The following SLAIN1 variants were observed in gnomAD, a reference collection of about 807,000 sequenced individuals.
SLAIN1 encodes the protein SLAIN motif-containing protein 1.
SLAIN1 carries 17 observed loss-of-function variants against 55.4 expected under a neutral mutation model. That is an observed-to-expected ratio of 0.31 (90% CI 0.21 to 0.46). SLAIN1 has a LOEUF of 0.46. SLAIN1 is among the 20% of genes least tolerant of loss of function. The pLI is 1.00. For missense variants in SLAIN1, 682 were observed against 785.1 expected (o/e 0.87, Z 1.57); for synonymous variants, 348 against 337.4 (o/e 1.03, Z -0.35).
At chr13:77,735,440 A>C (rs540792702) in intron 2 of SLAIN1, among the ~76,000 whole-genome samples, 8 of 152,242 alleles carry the variant, frequency 5.3e-5, no homozygotes, top group East Asian at 1.9e-4. Flanking sequence ...TTTCTGAGTG[A>C]CTATTATAAA....
At chr13:77,756,913 TGTAAG>T (rs2154410924) in intron 5 of SLAIN1, among the ~76,000 whole-genome samples, 1 of 152,226 alleles carries the variant, frequency 6.6e-6, no homozygotes, top group East Asian at 1.9e-4. Context: ...GAGAGAGCAT[TGTAAG>T]GTGCTGGTGA....
intron 1 of SLAIN1, among the ~76,000 whole-genome samples, chr13:77,718,107 A>AT (rs1566226048): frequency 6.6e-6 from 1 of 151,940 alleles, no homozygotes; most frequent in African/African-American, 2.4e-5. Context: ...GGAAAAAAAA[A>AT]AATATATTGG....
chr13:77,698,161 C>A lies in SLAIN1; in HGVS notation c.248C>A (p.Pro83His), dbSNP rs2090993010. The A allele has an allele frequency of 8.6e-7, 1 of 1,161,018 alleles. No individual in the cohort carries two copies. The highest frequency in any genetic ancestry group is 4.2e-5 in the South Asian group (1 of 24,032). The allele number at this position is 1,161,018 out of a possible 1,614,324, so 71.9% of individuals were successfully genotyped here. ...CTGCAGCCTTTGGGTCCTCGGAGCC[C>A]CCCGGCCGCCACGGCCACCGCCGCG... ...AGLQPLGPRS[P>H]PAATATAAAS... is the part of the protein sequence containing the mutation. The change falls in exon 1 of 7, where the codon CCC becomes CAC. Residue 83 changes from proline to histidine, a missense_variant. Physicochemically the swap from Pro to His is moderately conservative, Grantham distance 77 (BLOSUM62 -2). This residue lies in a region of SLAIN1 where 401 missense variants were observed against 417.3 expected (regional missense o/e 0.96). Coordinates refer to ENST00000418532, the MANE Select transcript of SLAIN1 (RefSeq NM_001242868.2). This position sits in a 1 kb window ranked among gnomAD's most constrained non-coding sequence, Gnocchi z 4.1.
intron 2 of SLAIN1, among the ~76,000 whole-genome samples, chr13:77,737,194 T>G (rs1325011502): frequency 6.6e-6 from 1 of 152,014 alleles, no homozygotes; most frequent in Non-Finnish European, 1.5e-5. Flanking sequence ...TTTTTCCCAC[T>G]CCCTATATTC....
intron 2 of SLAIN1, among the ~76,000 whole-genome samples, chr13:77,727,987 A>G (rs2091323667): frequency 6.6e-6 from 1 of 152,168 alleles, no homozygotes; most frequent in South Asian, 2.1e-4. Context: ...GAGGGTGGGT[A>G]TCTGTTTTCT....
chr13:77,726,581 C>T (rs1212447584), intron 2 of SLAIN1, among the ~76,000 whole-genome samples: 1 of 152,064 alleles, frequency 6.6e-6, no homozygotes, highest in East Asian at 1.9e-4. Context: ...ATGTATGCCA[C>T]CATACCTGGC....
rs1255797184 is a variant in SLAIN1 at position 77,719,795 on chromosome 13, C to T, written c.766+124C>T. 3.0e-6 allele frequency: 3 copies of T among 1,010,514 alleles called. No individual in the cohort carries two copies. In the East Asian group the frequency reaches 7.3e-5, roughly 25 times the overall value. 62.6% of individuals were successfully genotyped at this position (1,010,514 alleles called of 1,614,324 possible). On this transcript the variant is annotated intron_variant, in intron 2 of 6. Coordinates refer to ENST00000418532, the MANE Select transcript of SLAIN1 (RefSeq NM_001242868.2). ...TACCCTGAGGTGCAGCTGTTGCATG[C>T]AATTTGCTTCACATGTATTACACAT...
intron 2 of SLAIN1, among the ~76,000 whole-genome samples, chr13:77,730,179 G>T (rs918173013): frequency 6.6e-6 from 1 of 152,276 alleles, no homozygotes; most frequent in South Asian, 2.1e-4. Flanking sequence ...TGTGTGCAGC[G>T]TCTTCAGGGC....
intron 2 of SLAIN1, chr13:77,741,538 A>G (rs1237123887): frequency 3.4e-6 from 2 of 582,412 alleles, no homozygotes; most frequent in Non-Finnish European, 4.3e-6. Flanking sequence ...AAGTGTTGTC[A>G]TTGCGAATGT....
At chr13:77,716,775 AT>A (rs1397627046) in intron 1 of SLAIN1, among the ~76,000 whole-genome samples, 3 of 152,170 alleles carry the variant, frequency 2.0e-5, no homozygotes, top group Non-Finnish European at 4.4e-5. Context: ...ATTTTTGTAG[AT>A]TCTTCAGATT....
intron 1 of SLAIN1, 61 bp from the exon 2 acceptor site, chr13:77,719,471 C>CAG (rs1432397309): frequency 9.8e-6 from 12 of 1,229,812 alleles, no homozygotes; most frequent in Non-Finnish European, 1.3e-5. Context: ...TTGCTTTCCC[C>CAG]AGAGAGAGGT....
rs562073752 is a variant in SLAIN1, at chr13:77,763,426, C to G, written c.*206C>G. 3.6e-6 allele frequency: 2 copies of G among 561,584 alleles called. No individual in the cohort carries two copies. Among genetic ancestry groups the G allele is most frequent in the Non-Finnish European group, 6.3e-6 (2 of 316,730 alleles). The allele number at this position is 561,584 out of a possible 1,614,324, so 34.8% of individuals were successfully genotyped here. On this transcript the variant is annotated 3_prime_UTR_variant, in exon 7 of 7. Transcript: ENST00000418532. The stretch of plus-strand genomic sequence containing the variant: ...TGAGATACTGCAACATTCTCAAACC[C>G]ATGGTTGCAGTATTGTGACACTTAG...
intron 5 of SLAIN1, among the ~76,000 whole-genome samples, chr13:77,756,091 A>G (rs991979700): frequency 3.3e-5 from 5 of 152,070 alleles, no homozygotes; most frequent in African/African-American, 1.2e-4. Flanking sequence ...AAAGTTAAGT[A>G]TTCTTTCTCA....
At chr13:77,724,726 C>A (rs906407987) in intron 2 of SLAIN1, among the ~76,000 whole-genome samples, 3 of 150,894 alleles carry the variant, frequency 2.0e-5, no homozygotes, top group African/African-American at 7.4e-5. Context: ...TTCAATAATT[C>A]TCTAATAAAG....
chr13:77,712,635 C>T (rs2091164215), intron 1 of SLAIN1, among the ~76,000 whole-genome samples: 2 of 152,092 alleles, frequency 1.3e-5, no homozygotes, highest in African/African-American at 4.8e-5. Context: ...CCATACTGCC[C>T]AAAGTAATTT....
rs1464226839 is a variant in SLAIN1 at position 77,745,512 on chromosome 13, A to G, written c.917-1002A>G. On this transcript the variant is annotated intron_variant, in intron 3 of 6. Transcript: ENST00000418532. ...AGGATAGTTTTTCACTGGTTCTGCGATAAAGTTACAAAAAATTATCTGGGA... is the reference window on the plus strand; with the variant it reads ...AGGATAGTTTTTCACTGGTTCTGCGGTAAAGTTACAAAAAATTATCTGGGA... 2.6e-5 allele frequency among the ~76,000 whole-genome samples: 4 copies of G among 152,252 alleles called. No homozygotes were observed. In the East Asian group the frequency reaches 7.7e-4, roughly 29 times the overall value.
intron 1 of SLAIN1, among the ~76,000 whole-genome samples, chr13:77,702,012 G>A (rs1027632717): frequency 6.9e-6 from 1 of 144,152 alleles, no homozygotes; most frequent in Admixed American, 7.3e-5. Context: ...GTGAGAATAT[G>A]CGGTGTTTGG....
intron 3 of SLAIN1, 120 bp from the exon 4 acceptor site, chr13:77,746,394 C>G: frequency 1.3e-6 from 1 of 796,598 alleles, no homozygotes; most frequent in Non-Finnish European, 1.9e-6. Flanking sequence ...AACTTGAGAA[C>G]AAGATAATAA....
chr13:77,727,437 C>CA (rs34990709), intron 2 of SLAIN1, among the ~76,000 whole-genome samples: 19,604 of 83,786 alleles, frequency 0.23, 2,143 homozygotes, highest in African/African-American at 0.43. Flanking sequence ...TTAAGTTGGG[C>CA]AAAAAAAAAA....
Sources: gnomAD v4.1 joint callset for allele counts (sites outside exome capture counted in the v4.1 genomes callset) on GRCh38, gnomAD v4.1.1 for gene constraint, gnomAD v4.1.1 regional missense constraint, Gnocchi (gnomAD v3.1) non-coding constraint, MANE v1.5 for transcripts, NCBI Gene and HGNC (gene_info 2026-07-23, HGNC 2026-07-21) for gene names.